The following ARHGEF38 variants were observed in gnomAD, a reference collection of about 807,000 sequenced individuals.
The protein encoded by ARHGEF38 is Rho guanine nucleotide exchange factor (GEF) 38.
ARHGEF38 carries 79 observed loss-of-function variants against 79.9 expected under a neutral mutation model. The observed-to-expected ratio is 0.99, with a 90% confidence interval of 0.82 to 1.19. The LOEUF (loss-of-function observed/expected upper bound fraction) is 1.19. Ranked by LOEUF, ARHGEF38 falls within the 50% of genes most tolerant of loss-of-function variation. The pLI is 0.00. For synonymous variants in ARHGEF38, 366 were observed against 328.3 expected (o/e 1.11, Z -1.24); for missense variants, 962 against 907.2 (o/e 1.06, Z -0.78).
intron 2 of ARHGEF38, among the ~76,000 whole-genome samples, chr4:105,612,719 A>T (rs189608973): frequency 7.2e-4 from 110 of 152,246 alleles, no homozygotes; most frequent in Admixed American, 6.0e-3. Flanking sequence ...TTCTTTCGTA[A>T]TTCTTGGTAC....
intron 3 of ARHGEF38, among the ~76,000 whole-genome samples, chr4:105,629,821 T>A (rs529248262): frequency 4.6e-5 from 7 of 152,286 alleles, no homozygotes; most frequent in African/African-American, 1.7e-4. Flanking sequence ...TTAGTCTAAG[T>A]TGCTTTACGA....
rs188806525 is a variant in ARHGEF38, at chr4:105,616,444, A to G, written c.508+2937A>G. ...AAGGGGAAGCAAAGACCTTCTCCAC[A>G]CTGTGGCAGGAGAGAGAGAGCACGC... On this transcript the variant is annotated intron_variant, in intron 3 of 13. Transcript: ENST00000420470. 3.2e-3 allele frequency among the ~76,000 whole-genome samples: 490 copies of G among 152,214 alleles called. 5 individuals are homozygous for G. Among genetic ancestry groups the G allele is most frequent in the African/African-American group, 0.011 (454 of 41,524 alleles).
chr4:105,662,730 G>T (rs1254509911), intron 10 of ARHGEF38, among the ~76,000 whole-genome samples: 1 of 152,136 alleles, frequency 6.6e-6, no homozygotes, highest in Non-Finnish European at 1.5e-5. Context: ...CTGAGGTCAT[G>T]GTAGAAGGTG....
intron 10 of ARHGEF38, among the ~76,000 whole-genome samples, chr4:105,659,849 T>TTG (rs59465723): frequency 0.091 from 12,145 of 133,150 alleles, 554 homozygotes; most frequent in East Asian, 0.15. Context: ...AAGCCTGGTT[T>TTG]TGTGTGTGTG....
At chr4:105,591,786 C>G (rs182161689) in intron 2 of ARHGEF38, among the ~76,000 whole-genome samples, 8 of 152,142 alleles carry the variant, frequency 5.3e-5, no homozygotes, top group South Asian at 2.1e-4. Context: ...ACAGTTCCCA[C>G]GCCAGAATTA....
intron 5 of ARHGEF38, among the ~76,000 whole-genome samples, chr4:105,643,526 T>C (rs1317785309): frequency 6.6e-6 from 1 of 152,210 alleles, no homozygotes; most frequent in Non-Finnish European, 1.5e-5. Context: ...TCCTCAGCCA[T>C]TTATTCACGT....
At chr4:105,659,446 C>G (rs1730474157) in intron 10 of ARHGEF38, 81 bp downstream of exon 10, 6 of 1,347,998 alleles carry the variant, frequency 4.5e-6, no homozygotes, top group South Asian at 1.4e-5. Flanking sequence ...AAGCCCTGTT[C>G]AGAGTGTGCA....
At chr4:105,656,057 CT>C (rs1247904070) in intron 9 of ARHGEF38, among the ~76,000 whole-genome samples, 1 of 152,010 alleles carries the variant, frequency 6.6e-6, no homozygotes, top group African/African-American at 2.4e-5. Context: ...TTTTCTTTTT[CT>C]TTTTTCTTTT....
intron 13 of ARHGEF38, among the ~76,000 whole-genome samples, chr4:105,672,994 GGCCTGAAT>G (rs1182526665): frequency 1.3e-5 from 2 of 152,058 alleles, no homozygotes; most frequent in African/African-American, 4.8e-5. Context: ...CTTCAGAGGA[GGCCTGAAT>G]GCACTTCAAA....
Position 105,654,093 on chromosome 4 carries a change from A to G in ARHGEF38, c.1037A>G (p.Glu346Gly). 2 of 1,514,378 alleles carry G rather than the reference A, an allele frequency of 1.3e-6. No homozygotes were observed. Among genetic ancestry groups the G allele is most frequent in the Non-Finnish European group, 1.8e-6 (2 of 1,132,024 alleles). 93.8% of individuals were successfully genotyped at this position (1,514,378 alleles called of 1,614,324 possible). A position where few individuals can be genotyped will look rare whatever the true frequency, so the allele number is the denominator to read the frequency against. Residue 346 changes from glutamate to glycine, a missense_variant, in exon 8 of 14, where the codon GAA (glutamate) becomes GGA (glycine). Physicochemically the swap from Glu to Gly is moderately conservative, Grantham distance 98. Transcript: ENST00000420470. ...QVKDNTFNRE[E>G]KLFRALEKTV... ...AAAGACAATACCTTTAACAGAGAAG[A>G]AAAGCTGTTTAGAGCTTTAGAAAAG...
chr4:105,610,535 G>A (rs1453621784), intron 2 of ARHGEF38, among the ~76,000 whole-genome samples: 1 of 151,870 alleles, frequency 6.6e-6, no homozygotes, highest in African/African-American at 2.4e-5. Flanking sequence ...ATAAATACAT[G>A]CTTCCTTGAA....
At chr4:105,655,869 T>G in intron 9 of ARHGEF38, 147 bp downstream of exon 9, 3 of 933,468 alleles carry the variant, frequency 3.2e-6, no homozygotes, top group Non-Finnish European at 4.5e-6. Flanking sequence ...AATGGGATTT[T>G]TTTAAATCAT....
intron 2 of ARHGEF38, among the ~76,000 whole-genome samples, chr4:105,610,715 T>G (rs1370231315): frequency 1.3e-5 from 2 of 152,104 alleles, no homozygotes; most frequent in Non-Finnish European, 2.9e-5. Context: ...AATTGATGTT[T>G]TAATCCTTTC....
chr4:105,630,712 G>A (rs770340584), intron 3 of ARHGEF38, among the ~76,000 whole-genome samples, 186 bp from the exon 4 acceptor site: 1 of 152,064 alleles, frequency 6.6e-6, no homozygotes, highest in Non-Finnish European at 1.5e-5. Flanking sequence ...GGAAAGCAGG[G>A]AGAGAAGGAA....
Position 105,667,715 on chromosome 4 carries a change from A to G in ARHGEF38, c.2148+12A>G. 6.5e-7 allele frequency: 1 copy of G among 1,535,936 alleles called. No homozygotes were observed. The highest frequency in any genetic ancestry group is 1.2e-5 in the South Asian group (1 of 84,004). On this transcript the variant is annotated intron_variant, in intron 13 of 13. Transcript: ENST00000420470. ...AAGTAGACGAACAGGTAAAAATTTG[A>G]TGTAAAAATATGTGGTTGTTCAAAT...
chr4:105,678,592 A>T lies in ARHGEF38; in HGVS notation c.*655A>T, dbSNP rs182469228. 5 of 152,188 alleles carry T rather than the reference A, an allele frequency of 3.3e-5. No individual in the cohort carries two copies. Among genetic ancestry groups the T allele is most frequent in the African/African-American group, 1.2e-4 (5 of 41,460 alleles). The allele number at this position is 152,188 out of a possible 1,614,324, so 9.4% of individuals were successfully genotyped here. A position where few individuals can be genotyped will look rare whatever the true frequency, so the allele number is the denominator to read the frequency against. Reference sequence around the variant, plus strand: ...ACTGAATGCACACTATATGCCAGACATTGTTCTAAGTGCTTTATATGTAGT... The same window carrying T: ...ACTGAATGCACACTATATGCCAGACTTTGTTCTAAGTGCTTTATATGTAGT... On this transcript the variant is annotated 3_prime_UTR_variant, in exon 14 of 14. Coordinates refer to ENST00000420470, the MANE Select transcript of ARHGEF38 (RefSeq NM_001242729.2).
At chr4:105,583,774 A>C (rs949103621) in intron 1 of ARHGEF38, among the ~76,000 whole-genome samples, 1 of 152,116 alleles carries the variant, frequency 6.6e-6, no homozygotes, top group East Asian at 1.9e-4. Flanking sequence ...GTAAGCCCTT[A>C]CTATTTATTT....
At chr4:105,619,074 C>T (rs1728631202) in intron 3 of ARHGEF38, among the ~76,000 whole-genome samples, 1 of 151,950 alleles carries the variant, frequency 6.6e-6, no homozygotes, top group Non-Finnish European at 1.5e-5. Flanking sequence ...TCATAGAATT[C>T]CAACTTTGAG....
At chr4:105,573,225 AC>A (rs1726323115) in intron 1 of ARHGEF38, among the ~76,000 whole-genome samples, 2 of 152,126 alleles carry the variant, frequency 1.3e-5, no homozygotes, top group Non-Finnish European at 2.9e-5. Context: ...TGATGCACAA[AC>A]TTTAAAATTT....
Sources: gnomAD v4.1 joint callset for allele counts (sites outside exome capture counted in the v4.1 genomes callset) on GRCh38, gnomAD v4.1.1 for gene constraint, MANE v1.5 for transcripts, NCBI Gene and HGNC (gene_info 2026-07-23, HGNC 2026-07-21) for gene names.